LNP1: variants seen among roughly 807,000 people sequenced by gnomAD.
The protein encoded by LNP1 is leukemia NUP98 fusion partner 1.
A neutral mutation model predicts 14.5 loss-of-function variants in LNP1; 12 were observed. That is an observed-to-expected ratio of 0.83 (90% CI 0.53 to 1.34). The LOEUF is 1.34. Among genes scored for constraint, LNP1 ranks in the 40% most tolerant of loss-of-function variants. LNP1 has a pLI of 0.00. For synonymous variants in LNP1, 75 were observed against 71.4 expected (o/e 1.05, Z -0.26); for missense variants, 198 against 210.9 (o/e 0.94, Z 0.38).
At chr3:100,434,357 C>T (rs1707271500) in intron 2 of LNP1, among the ~76,000 whole-genome samples, 1 of 152,056 alleles carries the variant, frequency 6.6e-6, no homozygotes, top group African/African-American at 2.4e-5. Context: ...GTCAGATTTG[C>T]CAAAGATCAG....
chr3:100,444,778 A>C (rs1484384930), intron 2 of LNP1, among the ~76,000 whole-genome samples: 1 of 152,224 alleles, frequency 6.6e-6, no homozygotes, highest in Non-Finnish European at 1.5e-5. Context: ...CATGAAGCCA[A>C]TTAAATTTGT....
intron 1 of LNP1, among the ~76,000 whole-genome samples, chr3:100,411,603 A>G (rs1454370150): frequency 6.6e-6 from 1 of 152,176 alleles, no homozygotes; most frequent in Non-Finnish European, 1.5e-5. Context: ...GAGGCTGGGG[A>G]GTCCCAGATC....
chr3:100,418,059 A>ATT (rs1553740895), intron 1 of LNP1, among the ~76,000 whole-genome samples: 6 of 115,622 alleles, frequency 5.2e-5, no homozygotes, highest in South Asian at 2.8e-4. Context: ...TTCTCATACC[A>ATT]TTTTTTTTTT....
At chr3:100,431,405 T>C (rs1175510110) in intron 2 of LNP1, among the ~76,000 whole-genome samples, 1 of 152,252 alleles carries the variant, frequency 6.6e-6, no homozygotes, top group Non-Finnish European at 1.5e-5. Context: ...TTATCCCTGC[T>C]TCGGGCATTT....
intron 1 of LNP1, among the ~76,000 whole-genome samples, chr3:100,428,723 A>G (rs1235506888): frequency 1.3e-5 from 2 of 152,156 alleles, no homozygotes; most frequent in Non-Finnish European, 2.9e-5. Context: ...TGACAGCCTA[A>G]AATGACCATC....
At chr3:100,420,215 C>T (rs1212666034) in intron 1 of LNP1, among the ~76,000 whole-genome samples, 2 of 152,178 alleles carry the variant, frequency 1.3e-5, no homozygotes, top group Non-Finnish European at 2.9e-5. Context: ...GCGTTATGGC[C>T]ATAGACACCA....
At chr3:100,440,767 A>C (rs189373376) in intron 2 of LNP1, among the ~76,000 whole-genome samples, 9 of 152,330 alleles carry the variant, frequency 5.9e-5, no homozygotes, top group African/African-American at 2.2e-4. Context: ...CTAGTGGAGA[A>C]GAGAGGCACT....
At chr3:100,441,999 T>A (rs1707348345) in intron 2 of LNP1, among the ~76,000 whole-genome samples, 2 of 152,296 alleles carry the variant, frequency 1.3e-5, no homozygotes, top group South Asian at 4.1e-4. Context: ...AAGTTGATTT[T>A]TTCCTTATGA....
chr3:100,418,431 C>CT (rs910966232), intron 1 of LNP1, among the ~76,000 whole-genome samples: 36 of 144,520 alleles, frequency 2.5e-4, no homozygotes, highest in Non-Finnish European at 3.7e-4. Flanking sequence ...TTTGTAGGTA[C>CT]TTTTTTTTTT....
intron 1 of LNP1, among the ~76,000 whole-genome samples, chr3:100,420,300 GCCTT>G (rs554541539): frequency 5.9e-4 from 90 of 151,936 alleles, no homozygotes; most frequent in Non-Finnish European, 9.3e-4. Context: ...TTGCCTGCCT[GCCTT>G]CCTTCCTTCC....
intron 1 of LNP1, among the ~76,000 whole-genome samples, chr3:100,419,481 T>C (rs988050323): frequency 1.3e-5 from 2 of 152,108 alleles, no homozygotes; most frequent in African/African-American, 4.8e-5. Context: ...TCACTAGCTA[T>C]GCACACACTC....
At chr3:100,436,126 T>C (rs1313358075) in intron 2 of LNP1, among the ~76,000 whole-genome samples, 1 of 152,142 alleles carries the variant, frequency 6.6e-6, no homozygotes, top group South Asian at 2.1e-4. Context: ...AAGAAAAACC[T>C]TGTGGCGGTC....
chr3:100,440,325 A>G (rs992390814), intron 2 of LNP1, among the ~76,000 whole-genome samples: 2 of 152,224 alleles, frequency 1.3e-5, no homozygotes, highest in Non-Finnish European at 2.9e-5. Flanking sequence ...GCCCATAACA[A>G]CATACAATGG....
At chr3:100,409,408 G>T (rs1429665271) in intron 1 of LNP1, among the ~76,000 whole-genome samples, 1 of 151,674 alleles carries the variant, frequency 6.6e-6, no homozygotes, top group East Asian at 2.0e-4. Flanking sequence ...ACTTTGGGAG[G>T]CTGAGGCGGG....
At chr3:100,452,603 T>C (rs1422915395) in intron 3 of LNP1, among the ~76,000 whole-genome samples, 2 of 152,150 alleles carry the variant, frequency 1.3e-5, no homozygotes, top group Non-Finnish European at 2.9e-5. Context: ...AACTGCCCCA[T>C]GGCTTCTCTC....
At chr3:100,429,963 CTTTGGA>C in intron 2 of LNP1, 78 bp downstream of exon 2, 4 of 1,455,056 alleles carry the variant, frequency 2.7e-6, no homozygotes, top group Non-Finnish European at 3.7e-6. Context: ...TTTGAGGAAT[CTTTGGA>C]TATAAAGTTT....
intron 3 of LNP1, among the ~76,000 whole-genome samples, chr3:100,453,330 C>G (rs909834262): frequency 7.2e-5 from 11 of 151,818 alleles, no homozygotes; most frequent in African/African-American, 2.7e-4. Context: ...CCTGTAATCC[C>G]AGCACTTTGG....
chr3:100,417,239 G>A (rs1707093143), intron 1 of LNP1, among the ~76,000 whole-genome samples: 1 of 151,792 alleles, frequency 6.6e-6, no homozygotes, highest in Admixed American at 6.6e-5. Context: ...CTCTGCCCAG[G>A]TTCCCTCAAG....
intron 1 of LNP1, among the ~76,000 whole-genome samples, 200 bp from the exon 2 acceptor site, chr3:100,429,497 G>T (rs1707223369): frequency 6.6e-6 from 1 of 152,208 alleles, no homozygotes; most frequent in African/African-American, 2.4e-5. Flanking sequence ...AAGGGGAGGG[G>T]AATGTGGGCT....
Sources: gnomAD v4.1 joint callset for allele counts (sites outside exome capture counted in the v4.1 genomes callset) on GRCh38, gnomAD v4.1.1 for gene constraint, MANE v1.5 for transcripts, NCBI Gene and HGNC (gene_info 2026-07-23, HGNC 2026-07-21) for gene names.